The following MCM10 variants were observed in gnomAD, a reference collection of about 807,000 sequenced individuals.
MCM10 encodes protein MCM10 homolog.
In MCM10, 91 loss-of-function variants were observed where a neutral mutation model predicts 109.9. The ratio of observed to expected loss-of-function variants is 0.83; its 90% CI spans 0.70 to 0.99. The LOEUF is 0.99. Ranked by LOEUF, MCM10 falls within the 50% of genes least tolerant of loss-of-function variation. The probability of loss-of-function intolerance (pLI) is 0.00; values close to 1 mark genes in which losing one functional copy is unlikely to be tolerated. For synonymous variants in MCM10, 380 were observed against 387.2 expected (o/e 0.98, Z 0.22); for missense variants, 1,077 against 1,061.2 (o/e 1.01, Z -0.21).
chr10:13,168,601 G>A (rs1834031988), intron 2 of MCM10, among the ~76,000 whole-genome samples: 1 of 152,026 alleles, frequency 6.6e-6, no homozygotes, highest in African/African-American at 2.4e-5. Flanking sequence ...CCCAAATAGG[G>A]GGGAAAAAAG....
intron 2 of MCM10, among the ~76,000 whole-genome samples, chr10:13,167,503 C>T (rs1295829275): frequency 2.6e-5 from 4 of 151,620 alleles, no homozygotes; most frequent in African/African-American, 9.7e-5. Context: ...AGAAACCCAG[C>T]GACCAAGATG....
chr10:13,191,300 G>A lies in MCM10; in HGVS notation c.1417G>A (p.Ala473Thr). The change falls in exon 11 of 20, where the codon GCA (alanine) becomes ACA (threonine). Residue 473 changes from alanine (A) to threonine (T), a missense_variant and splice_region_variant. Coordinates refer to ENST00000378714, the MANE Select transcript of MCM10 (RefSeq NM_018518.5). ...TTTGGGGGTGACTTGTCATTTCAGTGCAGCAGCTGTGGCTCCTAAGAAGAA... is the reference window on the plus strand; with the variant it reads ...TTTGGGGGTGACTTGTCATTTCAGTACAGCAGCTGTGGCTCCTAAGAAGAA... ...VSSASYAASI[A>T]AAVAPKKKIQ... The A allele has an allele frequency of 6.2e-7, 1 of 1,611,014 alleles. No homozygotes were observed. The highest frequency in any genetic ancestry group is 8.5e-7 in the Non-Finnish European group (1 of 1,177,190).
chr10:13,177,905 C>T (rs1467952300), intron 6 of MCM10, among the ~76,000 whole-genome samples: 1 of 151,458 alleles, frequency 6.6e-6, no homozygotes, highest in Non-Finnish European at 1.5e-5. Context: ...CAAAGAATGA[C>T]TCGGACTTAT....
In MCM10 at chr10:13,164,146, C is replaced by T; in HGVS notation, c.-57C>T. 1 of 1,504,450 alleles carries T rather than the reference C, an allele frequency of 6.6e-7. No individual in the cohort carries two copies. The highest frequency in any genetic ancestry group is 9.0e-7 in the Non-Finnish European group (1 of 1,115,794). 93.2% of individuals were successfully genotyped at this position (1,504,450 alleles called of 1,614,324 possible). ...CACACAGCCAAGATTCTACATTGCT[C>T]ATCTGGGCATCTGAGCCTCCTTCGA... On this transcript the variant is annotated 5_prime_UTR_variant, in exon 2 of 20. Transcript: ENST00000378714.
chr10:13,197,886 T>A, intron 15 of MCM10, 119 bp downstream of exon 15: 2 of 953,754 alleles, frequency 2.1e-6, no homozygotes, highest in Non-Finnish European at 3.0e-6. Flanking sequence ...CTATATAGAA[T>A]ACCTAAATAG....
intron 17 of MCM10, chr10:13,201,976 T>C (rs1380009423): frequency 6.3e-6 from 1 of 157,512 alleles, no homozygotes; most frequent in African/African-American, 2.4e-5. Context: ...AGCCAGAGTG[T>C]GGATTAGATC....
In MCM10 at chr10:13,172,685, C is replaced by T. The variant is rs1008812185; in HGVS notation, c.512C>T (p.Thr171Ile). 3 of 1,614,148 alleles carry T rather than the reference C, an allele frequency of 1.9e-6. No individual in the cohort carries two copies. Among genetic ancestry groups the T allele is most frequent in the Non-Finnish European group, 2.5e-6 (3 of 1,180,016 alleles). ...ERRVQRIQESTCFSAELDVPA... is the reference protein window; with the variant it reads ...ERRVQRIQESICFSAELDVPA... Reference sequence around the variant, plus strand: ...AGAGTTCAGAGAATTCAGGAGTCAACATGCTTTTCTGCGGAGCTTGATGTC... The same window carrying T: ...AGAGTTCAGAGAATTCAGGAGTCAATATGCTTTTCTGCGGAGCTTGATGTC... Residue 171 changes from threonine (T) to isoleucine (I), a missense_variant, in exon 5 of 20, where the codon ACA becomes ATA. Coordinates refer to ENST00000378714, the MANE Select transcript of MCM10 (RefSeq NM_018518.5). This position sits in a 1 kb window ranked among gnomAD's most constrained non-coding sequence, Gnocchi z 5.2.
chr10:13,195,427 G>T lies in MCM10; in HGVS notation c.1974+158G>T, dbSNP rs1157310199. The T allele has an allele frequency of 9.9e-6, 6 of 605,420 alleles. No homozygotes were observed. In the Admixed American group the frequency reaches 1.9e-4, roughly 19 times the overall value. The allele number at this position is 605,420 out of a possible 1,614,324, so 37.5% of individuals were successfully genotyped here. The stretch of plus-strand genomic sequence containing the variant: ...TCAACATAATACTAAAAGAAAGTTA[G>T]ATCTGTTATCTCAACACTTTTTCTT... On this transcript the variant is annotated intron_variant, in intron 14 of 19. Coordinates refer to ENST00000378714, the MANE Select transcript of MCM10 (RefSeq NM_018518.5).
At chr10:13,192,395 T>A (rs2131579622) in intron 12 of MCM10, 30 bp downstream of exon 12, 1 of 1,609,602 alleles carries the variant, frequency 6.2e-7, no homozygotes, top group Non-Finnish European at 8.5e-7. Context: ...CACACGTGTG[T>A]CCCTGTGTTC....
At chr10:13,162,655 C>A (rs142432781) in intron 1 of MCM10, among the ~76,000 whole-genome samples, 1 of 152,248 alleles carries the variant, frequency 6.6e-6, no homozygotes, top group African/African-American at 2.4e-5. Flanking sequence ...TGGGGGAAGG[C>A]AAGGCCGGTT....
In MCM10 at chr10:13,192,444, G is replaced by GT. The variant is rs780347397; in HGVS notation, c.1628-4dup. 1.9e-6 allele frequency: 3 copies of GT among 1,614,148 alleles called. No homozygotes were observed. In the Admixed American group the frequency reaches 5.0e-5, roughly 27 times the overall value. On this transcript the variant is annotated splice_polypyrimidine_tract_variant and splice_region_variant and intron_variant, in intron 12 of 19. Transcript: ENST00000378714. ...GGGCACCCCCTCAGTCTGGGCTTCTGTTTCAGGGATTATGGGGAGCCCAAA... is the reference window on the plus strand; with the variant it reads ...GGGCACCCCCTCAGTCTGGGCTTCTGTTTTCAGGGATTATGGGGAGCCCAAA...
chr10:13,209,034 C>G, intron 18 of MCM10, 57 bp from the exon 19 acceptor site: 1 of 1,302,612 alleles, frequency 7.7e-7, no homozygotes, highest in Non-Finnish European at 1.1e-6. Flanking sequence ...GCACCGTCGT[C>G]TTTACATGAG....
chr10:13,170,813 A>T, intron 2 of MCM10, 109 bp from the exon 3 acceptor site: 1 of 820,604 alleles, frequency 1.2e-6, no homozygotes, highest in South Asian at 1.8e-5. Context: ...TGAGCATTGT[A>T]CCCATTAGGT....
intron 9 of MCM10, 116 bp downstream of exon 9, chr10:13,186,396 GA>G: frequency 1.6e-6 from 1 of 629,288 alleles, no homozygotes; most frequent in Non-Finnish European, 2.7e-6. Context: ...CTTAAAGGAA[GA>G]GTCAAAATGA....
At chr10:13,167,585 C>CG (rs56184428) in intron 2 of MCM10, among the ~76,000 whole-genome samples, 7,703 of 145,344 alleles carry the variant, frequency 0.053, 279 homozygotes, top group South Asian at 0.1. Context: ...AGGGGAGGAC[C>CG]GGGGGGGGCA....
rs1358472788 is a variant in MCM10, at chr10:13,195,148, G to C, written c.1853G>C (p.Gly618Ala). Residue 618 changes from glycine (G) to alanine (A), a missense_variant, in exon 14 of 20, where the codon GGA (glycine) becomes GCA (alanine). Physicochemically the swap from Gly to Ala is moderately conservative, Grantham distance 60. Coordinates refer to ENST00000378714, the MANE Select transcript of MCM10 (RefSeq NM_018518.5). ...GGATCCGAGTTCCCCAGGCTGGAGG[G>C]AGCCCCGGCCACAATGACGCCCAAG... ...RTGSEFPRLE[G>A]APATMTPKLG... 1 of 1,614,142 alleles carries C rather than the reference G, an allele frequency of 6.2e-7. No individual in the cohort carries two copies.
intron 6 of MCM10, among the ~76,000 whole-genome samples, chr10:13,179,515 A>G (rs1198830404): frequency 6.6e-6 from 1 of 152,154 alleles, no homozygotes; most frequent in Non-Finnish European, 1.5e-5. Flanking sequence ...GTTCAAACTT[A>G]GCTCTGGGAC....
At chr10:13,179,701 C>G (rs1834185056) in intron 6 of MCM10, among the ~76,000 whole-genome samples, 1 of 151,984 alleles carries the variant, frequency 6.6e-6, no homozygotes, top group Non-Finnish European at 1.5e-5. Flanking sequence ...ATTCAAAAGC[C>G]TTTATTGTAT....
chr10:13,201,117 G>A, intron 16 of MCM10, among the ~76,000 whole-genome samples: 1 of 152,134 alleles, frequency 6.6e-6, no homozygotes, highest in Non-Finnish European at 1.5e-5. Context: ...CTGCACTCTA[G>A]CCTAGGTTAC....
Sources: gnomAD v4.1 joint callset for allele counts (sites outside exome capture counted in the v4.1 genomes callset) on GRCh38, gnomAD v4.1.1 for gene constraint, Gnocchi (gnomAD v3.1) non-coding constraint, MANE v1.5 for transcripts, NCBI Gene and HGNC (gene_info 2026-07-23, HGNC 2026-07-21) for gene names.